IMMP2L: variants seen among roughly 807,000 people sequenced by gnomAD.
IMMP2L encodes the protein inner mitochondrial membrane peptidase subunit 2.
Under a neutral mutation model 19.3 loss-of-function variants are expected in IMMP2L, and 18 were observed. That is an observed-to-expected ratio of 0.93 (90% CI 0.64 to 1.38). The LOEUF (loss-of-function observed/expected upper bound fraction) is 1.38, where lower values mean the gene tolerates loss of function less well. Ranked by LOEUF, IMMP2L falls within the 40% of genes most tolerant of loss-of-function variation. The pLI is 0.00. For synonymous variants in IMMP2L, 76 were observed against 73.0 expected (o/e 1.04, Z -0.21); for missense variants, 233 against 218.2 (o/e 1.07, Z -0.43).
At chr7:110,836,965 C>T (rs116828292) in intron 5 of IMMP2L, among the ~76,000 whole-genome samples, 1,737 of 152,174 alleles carry the variant, frequency 0.011, 37 homozygotes, top group African/African-American at 0.04. Flanking sequence ...AGGTCCATTA[C>T]TATTTAAAGG....
At chr7:110,789,907 G>A (rs561922340) in intron 5 of IMMP2L, among the ~76,000 whole-genome samples, 1 of 151,676 alleles carries the variant, frequency 6.6e-6, no homozygotes, top group African/African-American at 2.4e-5. Flanking sequence ...CTACTCATGA[G>A]TCACTTTGTT....
At chr7:111,033,655 C>G (rs1022539171) in intron 3 of IMMP2L, among the ~76,000 whole-genome samples, 1 of 152,082 alleles carries the variant, frequency 6.6e-6, no homozygotes, top group African/African-American at 2.4e-5. Flanking sequence ...GCTATTAAGT[C>G]ATGAAAAATC....
chr7:111,087,354 C>G (rs1796434224), intron 3 of IMMP2L, among the ~76,000 whole-genome samples: 2 of 151,052 alleles, frequency 1.3e-5, no homozygotes, highest in Non-Finnish European at 2.9e-5. Context: ...GAGGCTGAGG[C>G]AGGAGAATCA....
chr7:110,663,850 T>C (rs778037948), intron 5 of IMMP2L, 129 bp from the exon 6 acceptor site: 5 of 568,916 alleles, frequency 8.8e-6, no homozygotes, highest in Non-Finnish European at 1.2e-5. Flanking sequence ...ATAAAAAAAA[T>C]AGTAAACACC....
At chr7:111,133,890 T>A (rs1196043392) in intron 3 of IMMP2L, among the ~76,000 whole-genome samples, 2 of 152,038 alleles carry the variant, frequency 1.3e-5, no homozygotes, top group Non-Finnish European at 2.9e-5. Context: ...GTTATTATAG[T>A]CCAGTATTTG....
At chr7:111,036,455 T>C (rs1342458178) in intron 3 of IMMP2L, among the ~76,000 whole-genome samples, 1 of 152,224 alleles carries the variant, frequency 6.6e-6, no homozygotes, top group Non-Finnish European at 1.5e-5. Context: ...TCCTTCAGGT[T>C]CTTTAATGTA....
chr7:110,875,199 C>T (rs146391336), intron 5 of IMMP2L, among the ~76,000 whole-genome samples: 7 of 152,256 alleles, frequency 4.6e-5, no homozygotes, highest in Admixed American at 2.0e-4. Flanking sequence ...TGATGAATGA[C>T]GTTTAAAATA....
intron 3 of IMMP2L, among the ~76,000 whole-genome samples, chr7:111,319,829 C>CA (rs1824491707): frequency 6.6e-6 from 1 of 151,886 alleles, no homozygotes; most frequent in South Asian, 2.1e-4. Flanking sequence ...AGGTAATGCC[C>CA]AAGGCCTCCT....
intron 3 of IMMP2L, among the ~76,000 whole-genome samples, chr7:111,174,543 C>T (rs1373725283): frequency 6.6e-6 from 1 of 151,702 alleles, no homozygotes; most frequent in East Asian, 1.9e-4. Flanking sequence ...GGGAAATATA[C>T]AGCCTAAATC....
At chr7:111,327,173 G>A (rs1375441002) in intron 3 of IMMP2L, among the ~76,000 whole-genome samples, 1 of 151,758 alleles carries the variant, frequency 6.6e-6, no homozygotes, top group Non-Finnish European at 1.5e-5. Flanking sequence ...CTTATATGAA[G>A]TATCTAAAAT....
At chr7:111,167,071 C>A (rs922071498) in intron 3 of IMMP2L, among the ~76,000 whole-genome samples, 2 of 151,942 alleles carry the variant, frequency 1.3e-5, no homozygotes, top group African/African-American at 4.8e-5. Flanking sequence ...CTATCACAAG[C>A]CCATGTGAAG....
intron 2 of IMMP2L, among the ~76,000 whole-genome samples, chr7:111,514,424 C>T (rs932421881): frequency 4.0e-5 from 6 of 151,798 alleles, no homozygotes; most frequent in Non-Finnish European, 7.4e-5. Flanking sequence ...ATGTAAATGA[C>T]GAGTTAATGG....
Position 111,365,421 on chromosome 7 carries a change from G to A in IMMP2L, c.239+121817C>T, listed in dbSNP as rs114029447. On this transcript the variant is annotated intron_variant, in intron 3 of 5. Transcript: ENST00000405709. ...TATATAGCTGCTTGTTTCACGCCACGCTAGAGCAGCTATTGAATTTCCTAC... is the reference window on the plus strand; with the variant it reads ...TATATAGCTGCTTGTTTCACGCCACACTAGAGCAGCTATTGAATTTCCTAC... Among the ~76,000 whole-genome samples the A allele has an allele frequency of 2.3e-3, 349 of 152,138 alleles. 1 individual carries two copies. Among genetic ancestry groups the A allele is most frequent in the African/African-American group, 7.8e-3 (323 of 41,532 alleles).
intron 3 of IMMP2L, among the ~76,000 whole-genome samples, chr7:111,469,443 T>C (rs1041523133): frequency 1.3e-5 from 2 of 152,102 alleles, no homozygotes; most frequent in African/African-American, 4.8e-5. Context: ...AGCAGTGGTT[T>C]GTAGTTCTCC....
At position 111,380,407 on chromosome 7, in the gene IMMP2L, C is replaced by T. The variant is rs144604547; in HGVS notation, c.239+106831G>A. On this transcript the variant is annotated intron_variant, in intron 3 of 5. Coordinates refer to ENST00000405709, the MANE Select transcript of IMMP2L (RefSeq NM_032549.4). Reference sequence around the variant, plus strand: ...TCCTCCACACACAGACTGATAACAACACTCAGAATGCAATAGAAGCAAAAC... The same window carrying T: ...TCCTCCACACACAGACTGATAACAATACTCAGAATGCAATAGAAGCAAAAC... Among the ~76,000 whole-genome samples the T allele has an allele frequency of 5.5e-3, 833 of 152,068 alleles. 13 individuals carry two copies. The highest frequency in any genetic ancestry group is 0.018 in the African/African-American group (765 of 41,522).
chr7:110,678,682 G>C (rs1390725490), intron 5 of IMMP2L, among the ~76,000 whole-genome samples: 1 of 152,090 alleles, frequency 6.6e-6, no homozygotes, highest in Non-Finnish European at 1.5e-5. Flanking sequence ...AGAGGTTGTG[G>C]TCAAGCCTTG....
chr7:111,367,756 C>G (rs1369892014), intron 3 of IMMP2L, among the ~76,000 whole-genome samples: 3 of 151,820 alleles, frequency 2.0e-5, no homozygotes, highest in African/African-American at 7.3e-5. Flanking sequence ...TCATTCTAGA[C>G]CTCATACTTG....
At chr7:111,099,645 A>G (rs974078754) in intron 3 of IMMP2L, among the ~76,000 whole-genome samples, 2 of 151,728 alleles carry the variant, frequency 1.3e-5, no homozygotes, top group African/African-American at 4.8e-5. Flanking sequence ...CCAGTGATTA[A>G]AAATGGAGTT....
chr7:111,103,294 G>A (rs916288653), intron 3 of IMMP2L, among the ~76,000 whole-genome samples: 1 of 151,380 alleles, frequency 6.6e-6, no homozygotes, highest in East Asian at 1.9e-4. Context: ...AAGCATACAC[G>A]TATACATTTA....
Sources: gnomAD v4.1 joint callset for allele counts (sites outside exome capture counted in the v4.1 genomes callset) on GRCh38, gnomAD v4.1.1 for gene constraint, MANE v1.5 for transcripts, NCBI Gene and HGNC (gene_info 2026-07-23, HGNC 2026-07-21) for gene names.